TSPAN16: variants seen among roughly 807,000 people sequenced by gnomAD.
TSPAN16 encodes the protein tetraspanin 16, also known as tetraspanin-16.
A neutral mutation model predicts 25.2 loss-of-function variants in TSPAN16; 23 were observed. The ratio of observed to expected loss-of-function variants is 0.91; its 90% CI spans 0.66 to 1.29. The LOEUF (loss-of-function observed/expected upper bound fraction) is 1.29, where lower values mean the gene tolerates loss of function less well. Ranked by LOEUF, TSPAN16 falls within the 50% of genes most tolerant of loss-of-function variation. The probability of loss-of-function intolerance (pLI) is 0.00; values close to 1 mark genes in which losing one functional copy is unlikely to be tolerated. For missense variants in TSPAN16, 272 were observed against 299.9 expected (o/e 0.91, Z 0.69); for synonymous variants, 123 against 124.4 (o/e 0.99, Z 0.08).
At chr19:11,297,481 C>CTTT in intron 1 of TSPAN16, among the ~76,000 whole-genome samples, 1 of 95,072 alleles carries the variant, frequency 1.1e-5, no homozygotes, top group Middle Eastern at 5.2e-3. Context: ...TGTCCTATGA[C>CTTT]ATTATTTTAT....
At chr19:11,306,240 G>A (rs2080625079) in intron 4 of TSPAN16, among the ~76,000 whole-genome samples, 1 of 152,052 alleles carries the variant, frequency 6.6e-6, no homozygotes. Context: ...GTTGCCCAGG[G>A]TGGAATGTAG....
At chr19:11,313,601 GATTTTTATCCA>G (rs2080716270) in intron 6 of TSPAN16, among the ~76,000 whole-genome samples, 1 of 151,384 alleles carries the variant, frequency 6.6e-6, no homozygotes, top group Admixed American at 6.6e-5. Context: ...TTCAAATAGA[GATTTTTATCCA>G]AAGAAGGCAT....
intron 6 of TSPAN16, chr19:11,325,421 G>C (rs751532964): frequency 5.7e-6 from 9 of 1,568,338 alleles, no homozygotes; most frequent in Non-Finnish European, 7.8e-6. Flanking sequence ...CTGCTGGGCT[G>C]GGGGGCTGGA....
chr19:11,326,632 C>T (rs896507428), intron 6 of TSPAN16, among the ~76,000 whole-genome samples: 3 of 152,188 alleles, frequency 2.0e-5, no homozygotes, highest in Non-Finnish European at 4.4e-5. Context: ...GAGAAACGGT[C>T]TCTCTCTATT....
At chr19:11,307,680 A>T (rs889058267) in intron 5 of TSPAN16, among the ~76,000 whole-genome samples, 6 of 151,400 alleles carry the variant, frequency 4.0e-5, no homozygotes, top group Non-Finnish European at 8.8e-5. Context: ...CTCCTGCCTC[A>T]GCCTCTCAAA....
intron 4 of TSPAN16, among the ~76,000 whole-genome samples, chr19:11,302,026 A>G (rs1185130616): frequency 6.6e-6 from 1 of 151,754 alleles, no homozygotes; most frequent in African/African-American, 2.4e-5. Context: ...GTTTCACCAT[A>G]TGGGTCAGGC....
At chr19:11,312,085 G>A (rs1459911316) in intron 5 of TSPAN16, 54 bp from the exon 6 acceptor site, 1 of 1,386,976 alleles carries the variant, frequency 7.2e-7, no homozygotes, top group Non-Finnish European at 1.0e-6. Flanking sequence ...ATGGGGACTT[G>A]CAATCCATAA....
intron 4 of TSPAN16, among the ~76,000 whole-genome samples, chr19:11,306,173 C>A (rs927214870): frequency 6.6e-6 from 1 of 152,078 alleles, no homozygotes; most frequent in Non-Finnish European, 1.5e-5. Flanking sequence ...GAGACTGAGG[C>A]AGGAGAATCA....
downstream of TSPAN16, among the ~76,000 whole-genome samples, chr19:11,316,956 G>A (rs143343619): frequency 0.022 from 3,278 of 151,462 alleles, 47 homozygotes; most frequent in Middle Eastern, 0.068. Context: ...GATTACAGGC[G>A]CCTGCCACCA....
chr19:11,300,864 G>A (rs1184368492), intron 3 of TSPAN16: 1 of 186,516 alleles, frequency 5.4e-6, no homozygotes, highest in East Asian at 1.2e-4. Context: ...TTCCGTGGAA[G>A]ATGATATTCA....
Position 11,296,295 on chromosome 19 carries a change from AG to A in TSPAN16, c.-2del. ...ATGTTCAGGGTGCCCCAGTCTGTTC[AG>A]CATGGCTGAAATCCACACTCCGTAT... On this transcript the variant is annotated 5_prime_UTR_variant, in exon 1 of 7. Coordinates refer to ENST00000590327, the MANE Select transcript of TSPAN16 (RefSeq NM_001282509.2). The A allele has an allele frequency of 6.2e-7, 1 of 1,614,004 alleles. No homozygotes were observed. Among genetic ancestry groups the A allele is most frequent in the East Asian group, 2.2e-5 (1 of 44,894 alleles).
At chr19:11,315,386 T>TTAGC (rs1237165762) in intron 6 of TSPAN16, among the ~76,000 whole-genome samples, 5 of 147,364 alleles carry the variant, frequency 3.4e-5, no homozygotes, top group Non-Finnish European at 7.5e-5. Flanking sequence ...TAAAACCCCG[T>TTAGC]CTCTACTAAA....
chr19:11,322,286 G>A (rs1459530559), intron 6 of TSPAN16: 1 of 151,984 alleles, frequency 6.6e-6, no homozygotes. Context: ...TTTTCTAAAT[G>A]GAGTAGGAGA....
At chr19:11,324,516 C>T (rs991719252) in intron 6 of TSPAN16, 4 of 137,660 alleles carry the variant, frequency 2.9e-5, no homozygotes, top group African/African-American at 1.1e-4. Context: ...CTAAACAGGG[C>T]CTGGGAGGGA....
Position 11,315,802 on chromosome 19 carries a change from T to G in TSPAN16, c.699T>G (p.Ile233Met). Residue 233 changes from isoleucine (I) to methionine (M), a missense_variant, in exon 7 of 7, where the codon ATT becomes ATG. By Grantham distance (10) the Ile-to-Met change is conservative (BLOSUM62 1). Coordinates refer to ENST00000590327, the MANE Select transcript of TSPAN16 (RefSeq NM_001282509.2). ...TTCACGCATTTCAGTTGCCAGGAAT[T>G]CTTGCCACTTTGCTGCTGTTTATCA... ...LGAAVIQLPGILATLLLFIKL... is the reference protein window; with the variant it reads ...LGAAVIQLPGMLATLLLFIKL... 1.6e-6 allele frequency: 2 copies of G among 1,231,974 alleles called. No individual in the cohort carries two copies. The highest frequency in any genetic ancestry group is 2.0e-6 in the Non-Finnish European group (2 of 987,874). The allele number at this position is 1,231,974 out of a possible 1,614,324, so 76.3% of individuals were successfully genotyped here.
downstream of TSPAN16, among the ~76,000 whole-genome samples, chr19:11,317,132 AACAAAACCCTCC>A (rs1230534021): frequency 2.1e-4 from 32 of 152,060 alleles, no homozygotes; most frequent in Non-Finnish European, 1.3e-4. Flanking sequence ...CAACAACATC[AACAAAACCCTCC>A]AAAAAACAAA....
chr19:11,318,455 C>A (rs139829060), downstream of TSPAN16, among the ~76,000 whole-genome samples: 1 of 141,512 alleles, frequency 7.1e-6, no homozygotes, highest in Non-Finnish European at 1.6e-5. Flanking sequence ...CCACTGCGCC[C>A]GGCCAGATCC....
intron 4 of TSPAN16, among the ~76,000 whole-genome samples, chr19:11,302,119 C>T (rs1450191305): frequency 6.6e-6 from 1 of 152,076 alleles, no homozygotes; most frequent in Non-Finnish European, 1.5e-5. Context: ...CCACCGTGCC[C>T]GGCCCCATTT....
intron 4 of TSPAN16, among the ~76,000 whole-genome samples, chr19:11,303,770 A>G (rs946371553): frequency 6.6e-6 from 1 of 150,426 alleles, no homozygotes; most frequent in African/African-American, 2.5e-5. Context: ...CACGTCCTTG[A>G]CACCTGTCAT....
Sources: allele counts gnomAD v4.1 joint callset (sites outside exome capture counted in the v4.1 genomes callset), GRCh38; gene constraint gnomAD v4.1.1; transcripts MANE v1.5; gene names NCBI Gene and HGNC (gene_info 2026-07-23, HGNC 2026-07-21).